The following SCOC variants were observed in gnomAD, a reference collection of about 807,000 sequenced individuals.
The protein encoded by SCOC is short coiled coil protein.
A neutral mutation model predicts 9.9 loss-of-function variants in SCOC; 7 were observed. The observed-to-expected ratio is 0.71, with a 90% confidence interval of 0.40 to 1.33. The LOEUF is 1.33. Ranked by LOEUF, SCOC falls within the 40% of genes most tolerant of loss-of-function variation. The pLI is 0.01. For synonymous variants in SCOC, 19 were observed against 28.2 expected (o/e 0.67, Z 1.03); for missense variants, 66 against 89.7 (o/e 0.74, Z 1.07).
chr4:140,305,134 A>G (rs1731929879), intron 1 of SCOC, among the ~76,000 whole-genome samples: 1 of 152,190 alleles, frequency 6.6e-6, no homozygotes, highest in Non-Finnish European at 1.5e-5. Context: ...TAAGCACACA[A>G]GGCCCAGGGA....
At chr4:140,309,853 TTCTC>T (rs1308901848) in intron 1 of SCOC, among the ~76,000 whole-genome samples, 1 of 152,204 alleles carries the variant, frequency 6.6e-6, no homozygotes. Context: ...GAAATTTCTC[TTCTC>T]TCTTTCAAAA....
chr4:140,337,141 C>A (rs1366988449), intron 1 of SCOC, among the ~76,000 whole-genome samples: 4 of 151,934 alleles, frequency 2.6e-5, no homozygotes, highest in Non-Finnish European at 5.9e-5. Flanking sequence ...AATATTAAAC[C>A]CTTAGCAGAT....
chr4:140,335,290 C>A (rs557350921), intron 1 of SCOC, among the ~76,000 whole-genome samples: 13 of 152,274 alleles, frequency 8.5e-5, no homozygotes, highest in Admixed American at 5.9e-4. Flanking sequence ...GGCTGTGGGT[C>A]ATGAGCAAGC....
chr4:140,272,647 G>A (rs527843805), intron 1 of SCOC, among the ~76,000 whole-genome samples: 2 of 152,322 alleles, frequency 1.3e-5, no homozygotes, highest in Non-Finnish European at 2.9e-5. Flanking sequence ...GTAGCTCTTT[G>A]TTGAATGAAG....
intron 1 of SCOC, among the ~76,000 whole-genome samples, chr4:140,268,382 T>G (rs1730775169): frequency 6.6e-6 from 1 of 152,176 alleles, no homozygotes; most frequent in African/African-American, 2.4e-5. Flanking sequence ...TCATTATAAT[T>G]TTTTCCCTTT....
chr4:140,368,799 A>T (rs1727917576), upstream of SCOC, among the ~76,000 whole-genome samples: 1 of 152,186 alleles, frequency 6.6e-6, no homozygotes, highest in Admixed American at 6.5e-5. Flanking sequence ...GTGAACATAG[A>T]GTAGCTACCT....
chr4:140,367,748 G>A (rs749382699), intron 2 of SCOC, among the ~76,000 whole-genome samples: 15 of 152,214 alleles, frequency 9.9e-5, no homozygotes, highest in Admixed American at 2.6e-4. Flanking sequence ...ATGTAGATTC[G>A]TGTTTAGAGA....
intron 1 of SCOC, among the ~76,000 whole-genome samples, chr4:140,307,000 A>C (rs1265913500): frequency 6.6e-6 from 1 of 152,124 alleles, no homozygotes; most frequent in Non-Finnish European, 1.5e-5. Context: ...AACATGGTGC[A>C]ATTAAGAGAT....
intron 2 of SCOC, among the ~76,000 whole-genome samples, chr4:140,363,325 T>C (rs973815092): frequency 2.0e-5 from 3 of 152,236 alleles, no homozygotes; most frequent in African/African-American, 4.8e-5. Flanking sequence ...GGGTTTGAAC[T>C]GCATGAGTCC....
At chr4:140,331,679 A>G (rs768304935) in intron 1 of SCOC, among the ~76,000 whole-genome samples, 14 of 152,006 alleles carry the variant, frequency 9.2e-5, no homozygotes, top group Admixed American at 3.9e-4. Context: ...CCTGATTTCT[A>G]AGTGTGGACA....
chr4:140,273,051 C>T (rs377433208), intron 1 of SCOC, among the ~76,000 whole-genome samples: 5 of 152,176 alleles, frequency 3.3e-5, no homozygotes, highest in South Asian at 2.1e-4. Context: ...GACGGGCCCA[C>T]GTGCTCATTT....
At chr4:140,295,353 C>T (rs575773556) in intron 1 of SCOC, among the ~76,000 whole-genome samples, 7 of 152,198 alleles carry the variant, frequency 4.6e-5, no homozygotes, top group African/African-American at 1.4e-4. Flanking sequence ...CTCAGAAGGC[C>T]CATCAGCACA....
chr4:140,269,582 G>A (rs541604955), intron 1 of SCOC, among the ~76,000 whole-genome samples: 11 of 152,144 alleles, frequency 7.2e-5, no homozygotes, highest in African/African-American at 2.4e-4. Context: ...CTCATGAAAC[G>A]GAAGATTGAC....
At chr4:140,268,672 A>C (rs1019310987) in intron 1 of SCOC, among the ~76,000 whole-genome samples, 2 of 152,174 alleles carry the variant, frequency 1.3e-5, no homozygotes, top group Non-Finnish European at 2.9e-5. Context: ...TCTCAAAGGG[A>C]GTACAGCCCT....
chr4:140,308,936 C>T (rs1732072261), intron 1 of SCOC, among the ~76,000 whole-genome samples: 1 of 152,180 alleles, frequency 6.6e-6, no homozygotes, highest in Non-Finnish European at 1.5e-5. Flanking sequence ...CTTTGGCACT[C>T]TAGCCACAGC....
At chr4:140,361,692 C>G (rs573821352) in intron 2 of SCOC, among the ~76,000 whole-genome samples, 3 of 152,196 alleles carry the variant, frequency 2.0e-5, no homozygotes, top group South Asian at 4.1e-4. Context: ...TAACGTAAAA[C>G]TCTTTGGGTG....
At chr4:140,286,283 G>A (rs1731265481) in intron 1 of SCOC, among the ~76,000 whole-genome samples, 1 of 151,816 alleles carries the variant, frequency 6.6e-6, no homozygotes, top group African/African-American at 2.4e-5. Context: ...TTGATAAATG[G>A]TAGTTATTAC....
At chr4:140,265,052 TATAA>T (rs762608600) in intron 1 of SCOC, among the ~76,000 whole-genome samples, 5 of 152,222 alleles carry the variant, frequency 3.3e-5, no homozygotes, top group Non-Finnish European at 2.9e-5. Flanking sequence ...ATGATTTTAT[TATAA>T]ATAATGTTGT....
At chr4:140,273,838 C>A (rs1354442986) in intron 1 of SCOC, among the ~76,000 whole-genome samples, 1 of 152,182 alleles carries the variant, frequency 6.6e-6, no homozygotes, top group African/African-American at 2.4e-5. Flanking sequence ...TCTTCCAATT[C>A]TGCCCCAATC....
Sources: allele counts gnomAD v4.1 joint callset (sites outside exome capture counted in the v4.1 genomes callset), GRCh38; gene constraint gnomAD v4.1.1; transcripts MANE v1.5; gene names NCBI Gene and HGNC (gene_info 2026-07-23, HGNC 2026-07-21).